Variants in NEBL observed in about 807,000 individuals in gnomAD.
NEBL encodes the protein nebulette.
A neutral mutation model predicts 140.2 loss-of-function variants in NEBL; 122 were observed. The ratio of observed to expected loss-of-function variants is 0.87; its 90% CI spans 0.75 to 1.01. The LOEUF is 1.01. Ranked by LOEUF, NEBL falls within the 50% of genes least tolerant of loss-of-function variation. The pLI, the probability that NEBL is intolerant of heterozygous loss-of-function variation, is 0.00. For synonymous variants in NEBL, 436 were observed against 398.9 expected, an observed-to-expected ratio of 1.09 and a Z score of -1.11; for missense variants, 1,365 against 1,231.3, an observed-to-expected ratio of 1.11 and a Z score of -1.62.
chr10:21,186,962 C>G (rs1294805202), intron 3 of NEBL, among the ~76,000 whole-genome samples: 1 of 149,038 alleles, frequency 6.7e-6, no homozygotes, highest in East Asian at 2.0e-4. Context: ...GATTCAGAAC[C>G]CACAGATACA....
At chr10:20,985,119 T>C (rs983505270) in intron 3 of NEBL, among the ~76,000 whole-genome samples, 4 of 152,204 alleles carry the variant, frequency 2.6e-5, no homozygotes, top group African/African-American at 7.2e-5. Flanking sequence ...AATGTAATAA[T>C]AGACATAAAG....
chr10:20,950,024 A>C (rs1835383283), intron 4 of NEBL, among the ~76,000 whole-genome samples: 1 of 152,180 alleles, frequency 6.6e-6, no homozygotes, highest in Non-Finnish European at 1.5e-5. Flanking sequence ...CCTAAACCTG[A>C]GTTTGTTACC....
chr10:21,240,395 G>C (rs1022714802), intron 3 of NEBL, among the ~76,000 whole-genome samples: 25 of 152,150 alleles, frequency 1.6e-4, no homozygotes, highest in Non-Finnish European at 3.1e-4. Context: ...TGTAATCCCA[G>C]CACTTTGGGT....
chr10:21,212,994 T>C (rs912560135), intron 3 of NEBL, among the ~76,000 whole-genome samples: 2 of 152,144 alleles, frequency 1.3e-5, no homozygotes, highest in African/African-American at 4.8e-5. Context: ...GCTACAAATG[T>C]AACCAGACCA....
At chr10:20,838,129 C>T (rs79328263) in intron 13 of NEBL, among the ~76,000 whole-genome samples, 8,763 of 152,188 alleles carry the variant, frequency 0.058, 366 homozygotes, top group Middle Eastern at 0.12. Context: ...TTTCATAGGG[C>T]TATACCTGTC....
chr10:20,942,118 C>T (rs1341794848), intron 4 of NEBL, among the ~76,000 whole-genome samples: 2 of 152,124 alleles, frequency 1.3e-5, no homozygotes, highest in African/African-American at 4.8e-5. Context: ...CAAAAAAGAG[C>T]CCACCTTGCC....
intron 2 of NEBL, among the ~76,000 whole-genome samples, chr10:21,067,162 G>A (rs1052165312): frequency 1.3e-5 from 2 of 151,788 alleles, no homozygotes; most frequent in Non-Finnish European, 2.9e-5. Flanking sequence ...TAGTAGAGAT[G>A]GGGTTTCACC....
chr10:20,814,458 A>G (rs1015091759), intron 22 of NEBL, among the ~76,000 whole-genome samples: 2 of 151,930 alleles, frequency 1.3e-5, no homozygotes, highest in Non-Finnish European at 2.9e-5. Flanking sequence ...AAAAAAAAAA[A>G]AATTAGTTGG....
intron 2 of NEBL, among the ~76,000 whole-genome samples, chr10:21,045,403 A>G (rs1258106986): frequency 6.6e-6 from 1 of 152,138 alleles, no homozygotes; most frequent in Admixed American, 6.5e-5. Flanking sequence ...ATATGCATAA[A>G]TGTCATTGAC....
intron 4 of NEBL, among the ~76,000 whole-genome samples, chr10:20,928,520 AG>A (rs1403420395): frequency 6.6e-6 from 1 of 152,200 alleles, no homozygotes; most frequent in Admixed American, 6.5e-5. Context: ...TGGAGAGAAA[AG>A]GAGAAGAAAT....
At chr10:20,894,904 G>A (rs1454519498) in intron 2 of NEBL, among the ~76,000 whole-genome samples, 2 of 148,274 alleles carry the variant, frequency 1.3e-5, no homozygotes, top group African/African-American at 5.0e-5. Context: ...CCTCCAGCCT[G>A]GGTGATAGAG....
In NEBL at chr10:21,208,021, C is replaced by T. The variant is rs145744672; in HGVS notation, n.349-35544G>A. 5.6e-3 allele frequency among the ~76,000 whole-genome samples: 847 copies of T among 152,268 alleles called. 23 individuals carry two copies. Among genetic ancestry groups the T allele is most frequent in the Admixed American group, 0.048 (734 of 15,296 alleles). On this transcript the variant is annotated intron_variant and non_coding_transcript_variant, in intron 3 of 8. Coordinates refer to the NEBL transcript ENST00000675702. Reference sequence around the variant, plus strand: ...TAACAAACCAACTACACTGAGACAGCAGAGTTTGCAGCAGAGAAAGAGTTT... The same window carrying T: ...TAACAAACCAACTACACTGAGACAGTAGAGTTTGCAGCAGAGAAAGAGTTT...
chr10:21,117,845 AG>A (rs751146294), intron 2 of NEBL, among the ~76,000 whole-genome samples: 3 of 152,124 alleles, frequency 2.0e-5, no homozygotes, highest in Non-Finnish European at 4.4e-5. Context: ...GGGTTCAAGT[AG>A]CAACTCGGCC....
intron 1 of NEBL, among the ~76,000 whole-genome samples, chr10:21,275,466 T>G (rs1588589349): frequency 1.3e-5 from 2 of 152,286 alleles, no homozygotes; most frequent in African/African-American, 4.8e-5. Context: ...GCCCGAGTGG[T>G]GCAGAGTGCC....
chr10:20,961,740 C>T, exon 4 of NEBL: 1 of 1,613,872 alleles, frequency 6.2e-7, no homozygotes. Flanking sequence ...ATGCTGAAGC[C>T]CCTCCCTTTG....
In NEBL at chr10:20,869,786, C is replaced by T. The variant is rs750476653; in HGVS notation, c.536G>A (p.Arg179Gln). 17 of 1,613,344 alleles carry T rather than the reference C, an allele frequency of 1.1e-5. No individual in the cohort carries two copies. In the Admixed American group the frequency reaches 1.2e-4, roughly 11 times the overall value. Residue 179 changes from arginine (R) to glutamine (Q), a missense_variant, in exon 6 of 28, where the codon CGA becomes CAA. Coordinates refer to ENST00000377122, the MANE Select transcript of NEBL (RefSeq NM_006393.3). ...CTGGGTTGCCATCTTGATGTCTGGT[C>T]GGTCAAGTTCTGCACTGTACGTGTG... is the stretch of plus-strand genomic sequence containing the variant. ...DTHTYSAELD[R>Q]PDIKMATQIS...
chr10:21,194,708 T>C (rs1169203298), intron 3 of NEBL, among the ~76,000 whole-genome samples: 1 of 152,164 alleles, frequency 6.6e-6, no homozygotes, highest in African/African-American at 2.4e-5. Flanking sequence ...TCCCCAGATC[T>C]GTCCTGCACA....
rs1460336456 is a variant in NEBL at position 20,850,557 on chromosome 10, C to A, written c.1009-55G>T. 8.0e-6 allele frequency: 9 copies of A among 1,130,004 alleles called. No homozygotes were observed. In the Admixed American group the frequency reaches 8.7e-5, roughly 11 times the overall value. The allele number at this position is 1,130,004 out of a possible 1,614,324, so 70.0% of individuals were successfully genotyped here. A position where few individuals can be genotyped will look rare whatever the true frequency, so the allele number is the denominator to read the frequency against. ...ATCGAAAGTCCTTATACAAACAGAG[C>A]AAACTAAGAAAAAATATATGTTCTA... On this transcript the variant is annotated intron_variant, in intron 10 of 27. Transcript: ENST00000377122.
intron 2 of NEBL, among the ~76,000 whole-genome samples, chr10:21,051,111 T>C (rs1337722467): frequency 3.9e-5 from 6 of 152,082 alleles, no homozygotes; most frequent in African/African-American, 1.4e-4. Flanking sequence ...TAAAGCACCA[T>C]CCCTGATGTC....
Sources: gnomAD v4.1 joint callset for allele counts (sites outside exome capture counted in the v4.1 genomes callset) on GRCh38, gnomAD v4.1.1 for gene constraint, MANE v1.5 for transcripts, NCBI Gene and HGNC (gene_info 2026-07-23, HGNC 2026-07-21) for gene names.